Variants in KIAA1671 observed in about 807,000 individuals in gnomAD.
KIAA1671 encodes the protein KIAA1671.
Under a neutral mutation model 131.2 loss-of-function variants are expected in KIAA1671, and 52 were observed. That is an observed-to-expected ratio of 0.40 (90% CI 0.32 to 0.50). The LOEUF (loss-of-function observed/expected upper bound fraction) is 0.50, where lower values mean the gene tolerates loss of function less well. KIAA1671 is among the 20% of genes least tolerant of loss of function. KIAA1671 has a pLI of 0.73. For missense variants in KIAA1671, 2,360 were observed against 2,364.2 expected (o/e 1.00, Z 0.04); for synonymous variants, 1,003 against 961.6 (o/e 1.04, Z -0.80).
intron 7 of KIAA1671, 39 bp from the exon 8 acceptor site, chr22:25,174,201 C>T: frequency 6.5e-7 from 1 of 1,544,782 alleles, no homozygotes; most frequent in Non-Finnish European, 8.8e-7. Flanking sequence ...CTGAAACGTT[C>T]TCCATAACCA....
At position 25,112,192 on chromosome 22, in the gene KIAA1671, A is replaced by G. The variant is rs61732465; in HGVS notation, c.4531-58628A>G. 100 of 398,764 alleles carry G rather than the reference A, an allele frequency of 2.5e-4. 1 individual carries two copies. The highest frequency in any genetic ancestry group is 1.8e-3 in the African/African-American group (86 of 48,558). The allele number at this position is 398,764 out of a possible 1,614,324, so 24.7% of individuals were successfully genotyped here. A position where few individuals can be genotyped will look rare whatever the true frequency, so the allele number is the denominator to read the frequency against. On this transcript the variant is annotated intron_variant, in intron 6 of 12. Transcript: ENST00000358431. The stretch of plus-strand genomic sequence containing the variant: ...TGGCTGGCCCCATGGATTACCTGGG[A>G]GATAAACTCACAGTGGCCCAGACCC...
intron 1 of KIAA1671, among the ~76,000 whole-genome samples, chr22:24,974,547 G>A (rs1922811143): frequency 6.6e-6 from 1 of 152,118 alleles, no homozygotes; most frequent in Non-Finnish European, 1.5e-5. Context: ...CCAAACTCCA[G>A]TCATTCTTGT....
chr22:25,141,692 A>G (rs1189618113), intron 6 of KIAA1671, among the ~76,000 whole-genome samples: 1 of 152,126 alleles, frequency 6.6e-6, no homozygotes, highest in Non-Finnish European at 1.5e-5. Context: ...ACCCTCCCCT[A>G]CCTTCTGGGA....
chr22:24,959,720 C>T (rs1390820004), intron 1 of KIAA1671, among the ~76,000 whole-genome samples: 2 of 152,118 alleles, frequency 1.3e-5, no homozygotes, highest in African/African-American at 4.8e-5. Flanking sequence ...AGGAAGGGGG[C>T]AAGGTGAGAC....
chr22:25,166,235 A>G lies in KIAA1671; in HGVS notation c.4531-4585A>G, dbSNP rs141921620. On this transcript the variant is annotated intron_variant, in intron 6 of 12. Transcript: ENST00000358431. The stretch of plus-strand genomic sequence containing the variant: ...CAGTGAAGGAGAGAGAGGAGGGAGC[A>G]GCGCTGGCCTCAGGACCCTCAGTCT... Among the ~76,000 whole-genome samples the G allele has an allele frequency of 4.3e-4, 66 of 152,304 alleles. No homozygotes were observed. The East Asian group carries it at 0.011, about 26-fold the overall frequency.
chr22:25,103,088 G>A (rs1930778720), intron 6 of KIAA1671, among the ~76,000 whole-genome samples: 3 of 152,130 alleles, frequency 2.0e-5, no homozygotes. Context: ...GAGGCCTGGG[G>A]AACAACCCAG....
At chr22:25,025,600 C>T (rs1925907838) in intron 1 of KIAA1671, 33 bp from the exon 2 acceptor site, 1 of 152,220 alleles carries the variant, frequency 6.6e-6, no homozygotes, top group Non-Finnish European at 1.5e-5. Flanking sequence ...GCCAGAACTC[C>T]GGAACTGAGG....
chr22:24,982,251 C>T (rs1023725961), intron 1 of KIAA1671, among the ~76,000 whole-genome samples: 2 of 152,204 alleles, frequency 1.3e-5, no homozygotes, highest in African/African-American at 4.8e-5. Flanking sequence ...TTAAGAAATA[C>T]AGGCAAAGGA....
At chr22:25,019,066 G>GTA (rs1328710980) in intron 1 of KIAA1671, among the ~76,000 whole-genome samples, 2 of 151,012 alleles carry the variant, frequency 1.3e-5, no homozygotes, top group Non-Finnish European at 2.9e-5. Context: ...GTGTGTGTGT[G>GTA]TGTGTGTGTG....
chr22:25,074,496 CAAA>C (rs759898395), intron 6 of KIAA1671, among the ~76,000 whole-genome samples: 1 of 64,148 alleles, frequency 1.6e-5, no homozygotes, highest in Non-Finnish European at 3.0e-5. Context: ...GGCTGTGTCT[CAAA>C]AAAAAAAAAA....
chr22:24,960,314 G>A (rs553783340), intron 1 of KIAA1671, among the ~76,000 whole-genome samples: 1 of 151,826 alleles, frequency 6.6e-6, no homozygotes, highest in South Asian at 2.1e-4. Context: ...ACTTTAGGCG[G>A]CCGGGCGGAT....
chr22:25,177,965 C>T (rs1212558649), intron 9 of KIAA1671, among the ~76,000 whole-genome samples: 3 of 152,116 alleles, frequency 2.0e-5, no homozygotes, highest in Non-Finnish European at 4.4e-5. Flanking sequence ...CTCCCGTGGT[C>T]CCTGGTGTGG....
chr22:25,154,622 CT>C (rs1933165724), intron 6 of KIAA1671, among the ~76,000 whole-genome samples: 1 of 152,194 alleles, frequency 6.6e-6, no homozygotes, highest in South Asian at 2.1e-4. Flanking sequence ...AAACAGAGCC[CT>C]TGGCTCTGTC....
At chr22:25,130,016 C>T (rs370583048) in intron 6 of KIAA1671, among the ~76,000 whole-genome samples, 4 of 152,060 alleles carry the variant, frequency 2.6e-5, no homozygotes, top group East Asian at 1.9e-4. Flanking sequence ...TGAGGCAGGA[C>T]GTTCGCTTGA....
Position 25,027,944 on chromosome 22 carries a change from G to C in KIAA1671, c.-55-1G>C. On this transcript the variant is annotated splice_acceptor_variant, in intron 2 of 12. Transcript: ENST00000358431. LOFTEE classifies it low-confidence loss of function (5UTR_SPLICE). ...CTTGTTTGTTTGTTTTGTTTGTTTAGCAATTGCTTCTCCATTCTTGAAGTT... is the reference window on the plus strand; with the variant it reads ...CTTGTTTGTTTGTTTTGTTTGTTTACCAATTGCTTCTCCATTCTTGAAGTT... The C allele has an allele frequency of 7.9e-7, 1 of 1,271,250 alleles. No homozygotes were observed. Among genetic ancestry groups the C allele is most frequent in the Non-Finnish European group, 1.1e-6 (1 of 936,246 alleles). 78.7% of individuals were successfully genotyped at this position (1,271,250 alleles called of 1,614,324 possible).
chr22:25,097,854 G>T (rs973359694), intron 6 of KIAA1671, among the ~76,000 whole-genome samples: 1 of 152,150 alleles, frequency 6.6e-6, no homozygotes, highest in African/African-American at 2.4e-5. Flanking sequence ...TTTACAGGAA[G>T]TTTTCCAAGT....
intron 1 of KIAA1671, among the ~76,000 whole-genome samples, chr22:25,005,422 A>T (rs1424599382): frequency 6.6e-6 from 1 of 151,774 alleles, no homozygotes; most frequent in African/African-American, 2.4e-5. Flanking sequence ...CGCCCTGGAG[A>T]TAGAGATTTT....
intron 1 of KIAA1671, among the ~76,000 whole-genome samples, chr22:24,964,103 C>T (rs1371514260): frequency 2.0e-5 from 3 of 152,164 alleles, no homozygotes; most frequent in African/African-American, 4.8e-5. Flanking sequence ...CCAAGGCAGG[C>T]GGATCACTTG....
intron 1 of KIAA1671, among the ~76,000 whole-genome samples, chr22:24,984,664 A>G (rs937699630): frequency 2.0e-5 from 3 of 152,160 alleles, no homozygotes; most frequent in Admixed American, 2.0e-4. Context: ...AAAAGCAGGT[A>G]AAACTTTGGG....
Sources: gnomAD v4.1 joint callset for allele counts (sites outside exome capture counted in the v4.1 genomes callset) on GRCh38, gnomAD v4.1.1 for gene constraint, MANE v1.5 for transcripts, NCBI Gene and HGNC (gene_info 2026-07-23, HGNC 2026-07-21) for gene names.